BIN2: variants seen among roughly 807,000 people sequenced by gnomAD.
BIN2 encodes breast cancer associated protein BRAP1.
BIN2 carries 43 observed loss-of-function variants against 67.9 expected under a neutral mutation model. That is an observed-to-expected ratio of 0.63 (90% CI 0.50 to 0.82). The LOEUF (loss-of-function observed/expected upper bound fraction) is 0.82, where lower values mean the gene tolerates loss of function less well. BIN2 is among the 40% of genes least tolerant of loss of function. The pLI is 0.00. For missense variants in BIN2, 581 were observed against 671.6 expected (o/e 0.87, Z 1.49); for synonymous variants, 244 against 246.8 (o/e 0.99, Z 0.11).
At chr12:51,285,532 T>G (rs1464031109) in intron 11 of BIN2, among the ~76,000 whole-genome samples, 1 of 152,146 alleles carries the variant, frequency 6.6e-6, no homozygotes, top group Non-Finnish European at 1.5e-5. Flanking sequence ...CTGTGAGGTT[T>G]AAAATAAGTT....
At chr12:51,311,786 T>C (rs1197452075) in intron 2 of BIN2, among the ~76,000 whole-genome samples, 1 of 148,980 alleles carries the variant, frequency 6.7e-6, no homozygotes, top group African/African-American at 2.5e-5. Flanking sequence ...TTTTTTTTCT[T>C]TTTGAGACAG....
chr12:51,316,309 C>T (rs968874923), intron 1 of BIN2, among the ~76,000 whole-genome samples: 2 of 148,610 alleles, frequency 1.3e-5, no homozygotes, highest in Admixed American at 6.8e-5. Context: ...AGGGTAAAAC[C>T]CCGTCTCTAC....
intron 9 of BIN2, among the ~76,000 whole-genome samples, chr12:51,295,418 C>T (rs1046210933): frequency 1.4e-5 from 2 of 145,868 alleles, no homozygotes; most frequent in Admixed American, 6.8e-5. Flanking sequence ...AAAAAATGAG[C>T]CGGGCGTGAT....
At chr12:51,294,334 C>T (rs1385796547) in intron 9 of BIN2, among the ~76,000 whole-genome samples, 1 of 152,098 alleles carries the variant, frequency 6.6e-6, no homozygotes, top group African/African-American at 2.4e-5. Context: ...TCTGGGAGGC[C>T]AAGGCGGGCG....
rs1945662787 is a variant in BIN2, at chr12:51,299,555, GAGA to G, written c.516+49_516+51del. On this transcript the variant is annotated intron_variant, in intron 6 of 12. Transcript: ENST00000615107. ...CCCAGCCACCTGCTACCACCATGGGGAGAAGGAGAACAGGAAGGGTTTACCAGT... is the reference window on the plus strand; with the variant it reads ...CCCAGCCACCTGCTACCACCATGGGGAGGAGAACAGGAAGGGTTTACCAGT... 2.6e-6 allele frequency: 4 copies of G among 1,536,702 alleles called. No homozygotes were observed. The Admixed American group carries it at 6.7e-5, about 26-fold the overall frequency.
intron 12 of BIN2, 41 bp downstream of exon 12, chr12:51,284,675 C>T (rs1201572843): frequency 6.7e-7 from 1 of 1,491,708 alleles, no homozygotes; most frequent in Non-Finnish European, 9.3e-7. Flanking sequence ...AAACCCCTGT[C>T]AATCTAATGC....
chr12:51,297,059 A>G (rs1945584103), intron 8 of BIN2, 30 bp downstream of exon 8: 2 of 1,572,552 alleles, frequency 1.3e-6, no homozygotes. Context: ...AAACACACCT[A>G]GGAGCCTCAA....
At chr12:51,321,477 G>A (rs1159357607) in intron 1 of BIN2, among the ~76,000 whole-genome samples, 1 of 152,090 alleles carries the variant, frequency 6.6e-6, no homozygotes, top group Non-Finnish European at 1.5e-5. Context: ...TCGGCTCACG[G>A]CAACCTCCGC....
chr12:51,298,149 G>T (rs145346996), intron 7 of BIN2, among the ~76,000 whole-genome samples: 1 of 152,068 alleles, frequency 6.6e-6, no homozygotes, highest in African/African-American at 2.4e-5. Flanking sequence ...TGAGGTAGGC[G>T]GATCACAAGG....
At chr12:51,296,062 T>C (rs952266087) in intron 8 of BIN2, among the ~76,000 whole-genome samples, 184 bp from the exon 9 acceptor site, 8 of 152,142 alleles carry the variant, frequency 5.3e-5, no homozygotes, top group Admixed American at 3.3e-4. Context: ...CCCTCTTCCC[T>C]GTCTCTCTGT....
intron 2 of BIN2, among the ~76,000 whole-genome samples, chr12:51,312,936 A>G (rs561517717): frequency 4.6e-5 from 7 of 152,254 alleles, no homozygotes; most frequent in Admixed American, 4.6e-4. Context: ...ATATTTATAT[A>G]GTAAAGAATT....
Position 51,284,786 on chromosome 12 carries a change from C to A in BIN2, c.1598G>T (p.Gly533Val). ...CATGGAGACTTGAAGCTGGTCTTGGCCCTACAAAGAGAAGAGTTCTGCCAG... is the reference window on the plus strand; with the variant it reads ...CATGGAGACTTGAAGCTGGTCTTGGACCTACAAAGAGAAGAGTTCTGCCAG... ...NKLISANSSE[G>V]QDQLQVSMVP... The change falls in exon 12 of 13, where the codon GGC becomes GTC. Residue 533 changes from glycine (G) to valine (V), a missense_variant and splice_region_variant. By Grantham distance (109) the Gly-to-Val change is moderately radical (BLOSUM62 -3). Coordinates refer to ENST00000615107, the MANE Select transcript of BIN2 (RefSeq NM_016293.4). The A allele has an allele frequency of 6.2e-7, 1 of 1,612,448 alleles. No homozygotes were observed. Among genetic ancestry groups the A allele is most frequent in the Non-Finnish European group, 8.5e-7 (1 of 1,178,584 alleles).
intron 10 of BIN2, among the ~76,000 whole-genome samples, 175 bp downstream of exon 10, chr12:51,291,416 C>A (rs1344608366): frequency 6.6e-6 from 1 of 152,098 alleles, no homozygotes; most frequent in Non-Finnish European, 1.5e-5. Context: ...CAAGACCAGT[C>A]TGGGCAACAT....
chr12:51,295,081 C>T (rs1314876244), intron 9 of BIN2, among the ~76,000 whole-genome samples: 1 of 152,120 alleles, frequency 6.6e-6, no homozygotes, highest in Non-Finnish European at 1.5e-5. Context: ...TACAGTTACG[C>T]ACCACCTTGC....
chr12:51,293,668 G>T (rs1414776258), intron 9 of BIN2, among the ~76,000 whole-genome samples: 1 of 152,182 alleles, frequency 6.6e-6, no homozygotes, highest in East Asian at 1.9e-4. Flanking sequence ...ATTGAAAAAT[G>T]GGAAAACGAT....
rs773215106 is a variant in BIN2, at chr12:51,292,158, T to C, written c.948A>G (p.Leu316=). Residue 316 remains leucine (L), a synonymous_variant, in exon 10 of 13, where the codon TTA becomes TTG. Transcript: ENST00000615107. ...GEDNSEIKEL[L]EEEEIEKEGS... ...CTTCCTTCTCTATTTCCTCCTCTTC[T>C]AAGAGCTCCTTGATCTCAGAATTGT... 1.9e-6 allele frequency: 3 copies of C among 1,613,868 alleles called. No individual in the cohort carries two copies. Among genetic ancestry groups the C allele is most frequent in the Non-Finnish European group, 2.5e-6 (3 of 1,180,024 alleles).
chr12:51,311,746 A>C (rs1946001856), intron 2 of BIN2, among the ~76,000 whole-genome samples: 2 of 151,774 alleles, frequency 1.3e-5, no homozygotes. Flanking sequence ...ATTTTAAAAG[A>C]GTTCTATTTT....
chr12:51,285,257 G>C (rs1169537293), intron 11 of BIN2, among the ~76,000 whole-genome samples: 1 of 152,154 alleles, frequency 6.6e-6, no homozygotes, highest in East Asian at 1.9e-4. Context: ...AAAAATTTTA[G>C]GTTCTGAGAT....
At position 51,281,106 on chromosome 12, in the gene BIN2, G is replaced by A. The variant is rs1945110423; in HGVS notation, c.*393C>T. ...TCCGGCTTTAAGTCTTGCAAAATGG[G>A]TCGTAAGTCAAAGACAGATTTGTTC... On this transcript the variant is annotated 3_prime_UTR_variant, in exon 13 of 13. Coordinates refer to ENST00000615107, the MANE Select transcript of BIN2 (RefSeq NM_016293.4). 1 of 189,122 alleles carries A rather than the reference G, an allele frequency of 5.3e-6. No homozygotes were observed. Among genetic ancestry groups the A allele is most frequent in the Non-Finnish European group, 1.1e-5 (1 of 91,184 alleles). The allele number at this position is 189,122 out of a possible 1,614,324, so 11.7% of individuals were successfully genotyped here.
Sources: gnomAD v4.1 joint callset for allele counts (sites outside exome capture counted in the v4.1 genomes callset) on GRCh38, gnomAD v4.1.1 for gene constraint, MANE v1.5 for transcripts, NCBI Gene and HGNC (gene_info 2026-07-23, HGNC 2026-07-21) for gene names.